The following RFX7 variants were observed in gnomAD, a reference collection of about 807,000 sequenced individuals.
RFX7 encodes DNA-binding protein RFX7.
A neutral mutation model predicts 111.8 loss-of-function variants in RFX7; 26 were observed. The observed-to-expected ratio is 0.23, with a 90% CI of 0.17 to 0.32. The LOEUF is 0.32. RFX7 is among the 10% of genes least tolerant of loss of function. RFX7 has a pLI of 1.00. For synonymous variants in RFX7, 624 were observed against 624.4 expected, an observed-to-expected ratio of 1.00 and a Z score of 0.01; for missense variants, 1,573 against 1,772.9, an observed-to-expected ratio of 0.89 and a Z score of 2.02.
intron 3 of RFX7, among the ~76,000 whole-genome samples, chr15:56,161,687 T>G (rs2042721505): frequency 6.6e-6 from 1 of 152,028 alleles, no homozygotes; most frequent in South Asian, 2.1e-4. Flanking sequence ...TCTCTGAAAC[T>G]GAGATAATGA....
intron 2 of RFX7, among the ~76,000 whole-genome samples, chr15:56,235,871 TA>T (rs1266273743): frequency 6.6e-6 from 1 of 152,190 alleles, no homozygotes; most frequent in East Asian, 1.9e-4. Context: ...TCAGATAATT[TA>T]TTTTTTTTAT....
intron 2 of RFX7, among the ~76,000 whole-genome samples, chr15:56,181,320 A>G (rs1312114504): frequency 6.6e-6 from 1 of 152,188 alleles, no homozygotes; most frequent in Non-Finnish European, 1.5e-5. Flanking sequence ...GCTCCATGTT[A>G]TCTTCAACAG....
At chr15:56,107,630 A>T (rs1406085182) in intron 5 of RFX7, among the ~76,000 whole-genome samples, 1 of 152,210 alleles carries the variant, frequency 6.6e-6, no homozygotes, top group East Asian at 1.9e-4. Flanking sequence ...AATCCTCTCA[A>T]CAACCTTAAG....
intron 5 of RFX7, 56 bp downstream of exon 5, chr15:56,142,722 G>A: frequency 6.0e-6 from 9 of 1,497,270 alleles, no homozygotes; most frequent in Non-Finnish European, 9.2e-7. Context: ...CTATGGCCAA[G>A]TATAGTATTT....
Position 56,092,296 on chromosome 15 carries a change from T to C in RFX7, c.*1049A>G, listed in dbSNP as rs1428089847. The C allele has an allele frequency of 6.6e-6, 1 of 152,552 alleles. No individual in the cohort carries two copies. The highest frequency in any genetic ancestry group is 1.5e-5 in the Non-Finnish European group (1 of 67,974). 9.4% of individuals were successfully genotyped at this position (152,552 alleles called of 1,614,324 possible). On this transcript the variant is annotated 3_prime_UTR_variant, in exon 10 of 10. Transcript: ENST00000559447. ...ATGTTTTTTGTTGTTTTTTATGTTA[T>C]CCTCCTTCCTGTTTTTCAAAGGGAT...
At chr15:56,238,581 T>C (rs1235538193) in intron 2 of RFX7, among the ~76,000 whole-genome samples, 1 of 152,108 alleles carries the variant, frequency 6.6e-6, no homozygotes, top group Non-Finnish European at 1.5e-5. Flanking sequence ...AAACGATAGA[T>C]CTTATATGAC....
chr15:56,207,566 T>A (rs1313537797), intron 2 of RFX7, among the ~76,000 whole-genome samples: 1 of 152,082 alleles, frequency 6.6e-6, no homozygotes, highest in Non-Finnish European at 1.5e-5. Flanking sequence ...ACAAAACATT[T>A]GAGAAAAAAA....
At chr15:56,189,304 C>T (rs1255169374) in intron 2 of RFX7, among the ~76,000 whole-genome samples, 1 of 152,002 alleles carries the variant, frequency 6.6e-6, no homozygotes, top group Non-Finnish European at 1.5e-5. Flanking sequence ...TGCTTGAGCC[C>T]AGGAGTTCAA....
chr15:56,095,614 G>C lies in RFX7; in HGVS notation c.2114C>G (p.Thr705Arg), dbSNP rs1244993572. The change falls in exon 10 of 10, where the codon ACA becomes AGA. Residue 705 changes from threonine to arginine, a missense_variant. Thr to Arg is a moderately conservative substitution (Grantham distance 71). Around this residue, in one of 7 missense-constraint regions of RFX7, gnomAD observed 625 missense variants for 632.2 expected, o/e 0.99. Transcript: ENST00000559447. ...CTGAGCACCTGCTGTTGAACCTTCT[G>C]TTTTCCCTGAATGTGGAACCTTTTG... ...KDQKVPHSGK[T>R]EGSTAGAQIP... is the part of the protein sequence containing the mutation. The C allele has an allele frequency of 1.2e-6, 2 of 1,613,976 alleles. No homozygotes were observed. Among genetic ancestry groups the C allele is most frequent in the African/African-American group, 2.7e-5 (2 of 75,030 alleles).
intron 5 of RFX7, among the ~76,000 whole-genome samples, chr15:56,107,403 A>G (rs533647378): frequency 6.6e-6 from 1 of 151,730 alleles, no homozygotes; most frequent in African/African-American, 2.4e-5. Flanking sequence ...CTAATATTCA[A>G]TATGACTATG....
intron 2 of RFX7, among the ~76,000 whole-genome samples, chr15:56,228,338 C>A (rs2043508890): frequency 6.6e-6 from 1 of 152,006 alleles, no homozygotes; most frequent in Non-Finnish European, 1.5e-5. Flanking sequence ...TTATGTTACA[C>A]CTTTTGTAAT....
chr15:56,110,209 CCT>C (rs2041899096), intron 5 of RFX7, among the ~76,000 whole-genome samples: 1 of 126,672 alleles, frequency 7.9e-6, no homozygotes, highest in African/African-American at 2.8e-5. Context: ...CCTGGCCGCC[CCT>C]ACTGGGAAGT....
At chr15:56,140,080 C>T (rs1377881308) in intron 5 of RFX7, among the ~76,000 whole-genome samples, 7 of 152,132 alleles carry the variant, frequency 4.6e-5, no homozygotes, top group Admixed American at 3.9e-4. Context: ...TTTGTCTGTG[C>T]CCTGCCCCCA....
At chr15:56,216,908 C>G (rs2043368077) in intron 2 of RFX7, among the ~76,000 whole-genome samples, 1 of 152,072 alleles carries the variant, frequency 6.6e-6, no homozygotes, top group Non-Finnish European at 1.5e-5. Context: ...CTCCTGTCAG[C>G]CTATAGAGTA....
Position 56,140,962 on chromosome 15 carries a change from G to A in RFX7, c.401+1816C>T, listed in dbSNP as rs2042384369. On this transcript the variant is annotated intron_variant, in intron 5 of 9. Transcript: ENST00000559447. ...CTAAGGTATCATGAAGGGTGGTGCAGATTAAAGTCATCACTTCAAAAATTA... is the reference window on the plus strand; with the variant it reads ...CTAAGGTATCATGAAGGGTGGTGCAAATTAAAGTCATCACTTCAAAAATTA... Among the ~76,000 whole-genome samples the A allele has an allele frequency of 2.6e-5, 4 of 152,306 alleles. No homozygotes were observed. In the South Asian group the frequency reaches 8.3e-4, roughly 32 times the overall value.
chr15:56,111,992 A>G (rs1276199190), intron 5 of RFX7, among the ~76,000 whole-genome samples: 1 of 151,840 alleles, frequency 6.6e-6, no homozygotes, highest in Non-Finnish European at 1.5e-5. Flanking sequence ...GTGTGTGCCT[A>G]TAGTCCCAGC....
chr15:56,155,548 A>C (rs561007578), intron 3 of RFX7, among the ~76,000 whole-genome samples: 2 of 152,246 alleles, frequency 1.3e-5, no homozygotes, highest in South Asian at 2.1e-4. Context: ...CTCGCTCATA[A>C]GTGGGAGTTG....
intron 2 of RFX7, among the ~76,000 whole-genome samples, chr15:56,185,631 T>C (rs867051684): frequency 7.1e-6 from 1 of 141,828 alleles, no homozygotes; most frequent in Non-Finnish European, 1.5e-5. Flanking sequence ...TATATTCCTT[T>C]AATCATGATC....
intron 2 of RFX7, among the ~76,000 whole-genome samples, chr15:56,236,771 T>G (rs2043628175): frequency 6.6e-6 from 1 of 152,202 alleles, no homozygotes; most frequent in South Asian, 2.1e-4. Context: ...CATCTCTTTA[T>G]AAAGAAGACA....
Sources: allele counts gnomAD v4.1 joint callset (sites outside exome capture counted in the v4.1 genomes callset), GRCh38; gene constraint gnomAD v4.1.1; regional missense constraint gnomAD v4.1.1; transcripts MANE v1.5; gene names NCBI Gene and HGNC (gene_info 2026-07-23, HGNC 2026-07-21).